The following CSMD1 variants were observed in gnomAD, a reference collection of about 807,000 sequenced individuals.
CSMD1 encodes CUB and sushi domain-containing protein 1.
Under a neutral mutation model 417.5 loss-of-function variants are expected in CSMD1, and 213 were observed. The ratio of observed to expected loss-of-function variants is 0.51; its 90% CI spans 0.46 to 0.57. CSMD1 has a LOEUF of 0.57. Among genes scored for constraint, CSMD1 ranks in the 20% least tolerant of loss-of-function variants. The pLI, the probability that CSMD1 is intolerant of heterozygous loss-of-function variation, is 0.00. For synonymous variants in CSMD1, 2,862 were observed against 1,736.8 expected (o/e 1.65, Z -16.11); for missense variants, 6,923 against 4,529.7 (o/e 1.53, Z -15.17).
chr8:4,728,995 G>A (rs796372187), intron 1 of CSMD1, among the ~76,000 whole-genome samples: 8 of 152,294 alleles, frequency 5.3e-5, no homozygotes, highest in African/African-American at 1.7e-4. Flanking sequence ...GGAGACTGTG[G>A]TGATATAAAT....
intron 3 of CSMD1, among the ~76,000 whole-genome samples, chr8:4,213,495 G>C (rs1485607117): frequency 5.3e-5 from 8 of 152,208 alleles, no homozygotes; most frequent in Non-Finnish European, 1.2e-4. Context: ...AAAAACACTT[G>C]CTAAATAAAA....
intron 7 of CSMD1, among the ~76,000 whole-genome samples, chr8:3,670,051 A>C (rs1798906611): frequency 6.6e-6 from 1 of 152,180 alleles, no homozygotes; most frequent in East Asian, 1.9e-4. Flanking sequence ...AGGGTCTCAC[A>C]ATTTGTGATG....
At chr8:4,460,689 G>T (rs1799760195) in intron 2 of CSMD1, among the ~76,000 whole-genome samples, 1 of 152,006 alleles carries the variant, frequency 6.6e-6, no homozygotes, top group Non-Finnish European at 1.5e-5. Context: ...ATAAACATCT[G>T]GTAGTCAACA....
chr8:3,448,171 G>A (rs896005581), intron 12 of CSMD1, among the ~76,000 whole-genome samples: 1 of 150,602 alleles, frequency 6.6e-6, no homozygotes, highest in Non-Finnish European at 1.5e-5. Flanking sequence ...TGGGGGAGTA[G>A]ATAGTGAAGA....
chr8:4,986,384 CT>C (rs1811178955), intron 1 of CSMD1, among the ~76,000 whole-genome samples: 1 of 152,128 alleles, frequency 6.6e-6, no homozygotes, highest in South Asian at 2.1e-4. Context: ...AATGAAGACA[CT>C]TTCTGTTAAA....
chr8:4,726,252 A>G (rs996467753), intron 1 of CSMD1, among the ~76,000 whole-genome samples: 2 of 152,074 alleles, frequency 1.3e-5, no homozygotes, highest in African/African-American at 4.8e-5. Context: ...GTGTGTTTCT[A>G]CAGCCTTGCC....
At chr8:3,766,960 A>T (rs1049410272) in intron 5 of CSMD1, among the ~76,000 whole-genome samples, 4 of 152,172 alleles carry the variant, frequency 2.6e-5, no homozygotes, top group Non-Finnish European at 5.9e-5. Flanking sequence ...CAGCACGGCT[A>T]ATGCAATCAT....
At chr8:4,966,484 G>A (rs1005428676) in intron 1 of CSMD1, among the ~76,000 whole-genome samples, 4 of 152,238 alleles carry the variant, frequency 2.6e-5, no homozygotes, top group South Asian at 4.1e-4. Flanking sequence ...ATCTCAATGG[G>A]ACACATCGCG....
At chr8:4,556,285 C>T (rs1011698657) in intron 2 of CSMD1, among the ~76,000 whole-genome samples, 2 of 152,030 alleles carry the variant, frequency 1.3e-5, no homozygotes, top group African/African-American at 4.8e-5. Context: ...TTAATCTTGA[C>T]CATTTTCATA....
At chr8:4,674,852 G>C (rs975045675) in intron 1 of CSMD1, among the ~76,000 whole-genome samples, 3 of 152,138 alleles carry the variant, frequency 2.0e-5, no homozygotes, top group African/African-American at 7.2e-5. Flanking sequence ...GGGGCATTTA[G>C]GAGGTGATTA....
chr8:4,157,691 G>A (rs994995855), intron 3 of CSMD1, among the ~76,000 whole-genome samples: 21 of 152,314 alleles, frequency 1.4e-4, no homozygotes, highest in Admixed American at 9.1e-4. Context: ...ACGCCCAACC[G>A]GCCTTGGGTG....
chr8:4,114,984 CT>C (rs766915090), intron 3 of CSMD1, among the ~76,000 whole-genome samples: 10 of 152,112 alleles, frequency 6.6e-5, no homozygotes, highest in Non-Finnish European at 1.5e-4. Context: ...AACAAAATAT[CT>C]AGATTATTAT....
At chr8:3,326,645 T>C (rs2117513768) in intron 23 of CSMD1, among the ~76,000 whole-genome samples, 1 of 152,324 alleles carries the variant, frequency 6.6e-6, no homozygotes, top group East Asian at 1.9e-4. Context: ...TGGGGATGTC[T>C]TCCCTCCTTG....
intron 3 of CSMD1, among the ~76,000 whole-genome samples, chr8:4,212,143 T>A (rs1800348479): frequency 6.6e-6 from 1 of 150,918 alleles, no homozygotes; most frequent in Non-Finnish European, 1.5e-5. Context: ...TGTCCTTTAT[T>A]ATGATAAAAA....
At chr8:4,160,732 T>C (rs959169829) in intron 3 of CSMD1, among the ~76,000 whole-genome samples, 2 of 152,236 alleles carry the variant, frequency 1.3e-5, no homozygotes, top group African/African-American at 2.4e-5. Flanking sequence ...GCAATTATTT[T>C]CTATAAGGTG....
chr8:3,115,150 G>C (rs1272250420), intron 42 of CSMD1, among the ~76,000 whole-genome samples: 1 of 147,824 alleles, frequency 6.8e-6, no homozygotes, highest in Non-Finnish European at 1.5e-5. Context: ...CATTTAATAA[G>C]TTAATAAACC....
chr8:4,905,836 A>AG (rs1491509242), intron 1 of CSMD1, among the ~76,000 whole-genome samples: 1 of 140,146 alleles, frequency 7.1e-6, no homozygotes, highest in Admixed American at 7.1e-5. Flanking sequence ...AAAAAAAAAG[A>AG]AAAAAAGAAA....
intron 12 of CSMD1, among the ~76,000 whole-genome samples, chr8:3,456,485 C>T (rs1264038462): frequency 6.6e-6 from 1 of 152,196 alleles, no homozygotes; most frequent in Non-Finnish European, 1.5e-5. Context: ...AAATGCATAA[C>T]ACTGAAGGCC....
intron 3 of CSMD1, among the ~76,000 whole-genome samples, chr8:4,220,072 C>T (rs977304965): frequency 1.3e-5 from 2 of 152,240 alleles, no homozygotes; most frequent in South Asian, 2.1e-4. Context: ...GCCTCAGCCT[C>T]CCGAGTACCT....
Sources: allele counts gnomAD v4.1 joint callset (sites outside exome capture counted in the v4.1 genomes callset), GRCh38; gene constraint gnomAD v4.1.1; transcripts MANE v1.5; gene names NCBI Gene and HGNC (gene_info 2026-07-23, HGNC 2026-07-21).